Variants in ABCG1 observed in about 807,000 individuals in gnomAD.
The protein encoded by ABCG1 is ATP-binding cassette sub-family G member 1.
ABCG1 carries 29 observed loss-of-function variants against 69.2 expected under a neutral mutation model. That is an observed-to-expected ratio of 0.42 (90% CI 0.31 to 0.57). The LOEUF (loss-of-function observed/expected upper bound fraction) is 0.57. Ranked by LOEUF, ABCG1 falls within the 20% of genes least tolerant of loss-of-function variation. The pLI is 0.15. For missense variants in ABCG1, 718 were observed against 898.1 expected, an observed-to-expected ratio of 0.80 and a Z score of 2.56; for synonymous variants, 370 against 374.8, an observed-to-expected ratio of 0.99 and a Z score of 0.15.
At chr21:42,281,232 G>A (rs948437739) in intron 5 of ABCG1, among the ~76,000 whole-genome samples, 2 of 152,214 alleles carry the variant, frequency 1.3e-5, no homozygotes, top group African/African-American at 2.4e-5. Context: ...CTGGAGTAGG[G>A]TCCGCTTGCT....
At chr21:42,284,815 C>A in intron 7 of ABCG1, 132 bp downstream of exon 7, 1 of 1,252,868 alleles carries the variant, frequency 8.0e-7, no homozygotes, top group Non-Finnish European at 1.1e-6. Flanking sequence ...CCCTGGGTAC[C>A]CACAGCCTTC....
At position 42,273,943 on chromosome 21, in the gene ABCG1, A is replaced by G. The variant is rs535318723; in HGVS notation, c.537+508A>G. On this transcript the variant is annotated intron_variant, in intron 4 of 14. Coordinates refer to ENST00000398449, the MANE Select transcript of ABCG1 (RefSeq NM_016818.3). The surrounding 1 kb of genome is among the most constrained non-coding windows in gnomAD (Gnocchi z 5.3). ...AGCATCTCCTGGGTCCCAGGCCCTG[A>G]GCACATAGCTCTACACACACCAGAT... Among the ~76,000 whole-genome samples, 1 of 152,260 alleles carries G rather than the reference A, an allele frequency of 6.6e-6. No homozygotes were observed. Among genetic ancestry groups the G allele is most frequent in the East Asian group, 1.9e-4 (1 of 5,176 alleles).
Position 42,279,326 on chromosome 21 carries a change from G to A in ABCG1, c.588+2381G>A, listed in dbSNP as rs189554620. Among the ~76,000 whole-genome samples, 68 of 152,344 alleles carry A rather than the reference G, an allele frequency of 4.5e-4. 1 individual carries two copies. In the East Asian group the frequency reaches 0.012, roughly 26 times the overall value. On this transcript the variant is annotated intron_variant, in intron 5 of 14. Coordinates refer to ENST00000398449, the MANE Select transcript of ABCG1 (RefSeq NM_016818.3). Reference sequence around the variant, plus strand: ...AATAAGGCCCAAGGACAGAGCAAACGGTGGAGAGGGTCTCGGGGATCACCG... The same window carrying A: ...AATAAGGCCCAAGGACAGAGCAAACAGTGGAGAGGGTCTCGGGGATCACCG...
At chr21:42,221,153 A>C (rs1274836223) in intron 1 of ABCG1, 1 of 152,196 alleles carries the variant, frequency 6.6e-6, no homozygotes, top group Non-Finnish European at 1.5e-5. Context: ...ACTTTAAAAA[A>C]AGTTTAAACA....
At chr21:42,208,185 C>T (rs2067558386) in intron 2 of ABCG1, among the ~76,000 whole-genome samples, 1 of 149,816 alleles carries the variant, frequency 6.7e-6, no homozygotes, top group Non-Finnish European at 1.5e-5. Flanking sequence ...TCCCCTTTTC[C>T]TATTCTTTTG....
intron 2 of ABCG1, among the ~76,000 whole-genome samples, chr21:42,248,782 C>T (rs992016791): frequency 6.6e-6 from 1 of 151,330 alleles, no homozygotes; most frequent in African/African-American, 2.4e-5. Context: ...TGGTGCACAC[C>T]TGTAGTCCCA....
intron 6 of ABCG1, among the ~76,000 whole-genome samples, chr21:42,283,139 G>C (rs573134268): frequency 6.6e-6 from 1 of 152,298 alleles, no homozygotes; most frequent in South Asian, 2.1e-4. Flanking sequence ...ACTTTACGTT[G>C]TCTCATTTCT....
intron 2 of ABCG1, chr21:42,259,849 G>T: frequency 7.2e-7 from 1 of 1,397,416 alleles, no homozygotes; most frequent in Non-Finnish European, 9.4e-7. Context: ...AAGGAAAAGA[G>T]CAGGGGAGAG....
intron 2 of ABCG1, among the ~76,000 whole-genome samples, chr21:42,244,479 T>C (rs2068103032): frequency 6.6e-6 from 1 of 152,102 alleles, no homozygotes; most frequent in South Asian, 2.1e-4. Context: ...TTGATAAAGC[T>C]AAAAGACTTC....
chr21:42,291,366 G>T lies in ABCG1; in HGVS notation c.1495-132G>T. The T allele has an allele frequency of 1.5e-6, 2 of 1,295,860 alleles. No individual in the cohort carries two copies. Among genetic ancestry groups the T allele is most frequent in the Non-Finnish European group, 2.1e-6 (2 of 931,946 alleles). 80.3% of individuals were successfully genotyped at this position (1,295,860 alleles called of 1,614,324 possible). On this transcript the variant is annotated intron_variant, in intron 12 of 14. Transcript: ENST00000398449. This position sits in a 1 kb window ranked among gnomAD's most constrained non-coding sequence, Gnocchi z 6.4. ...CGGGAGCTGTGGCGGGAGCTGTGGG[G>T]AGTGGGGAAGGACCCGACTTTGGGA...
chr21:42,256,578 A>G (rs894829805), intron 2 of ABCG1: 1 of 1,528,718 alleles, frequency 6.5e-7, no homozygotes, highest in South Asian at 1.2e-5. Context: ...ACACTGACCC[A>G]TGAAGAGAAA....
intron 1 of ABCG1, among the ~76,000 whole-genome samples, chr21:42,220,637 G>A (rs1374680830): frequency 6.6e-6 from 1 of 152,264 alleles, no homozygotes; most frequent in East Asian, 1.9e-4. Context: ...GCCTCTCTGG[G>A]CTGCCCTGCC....
intron 1 of ABCG1, among the ~76,000 whole-genome samples, chr21:42,224,347 G>T (rs891086483): frequency 6.6e-6 from 1 of 152,192 alleles, no homozygotes; most frequent in Admixed American, 6.5e-5. Flanking sequence ...AGGGGCATTG[G>T]GACCAGCTGG....
chr21:42,201,411 G>A (rs566079366), intron 1 of ABCG1, among the ~76,000 whole-genome samples: 270 of 152,248 alleles, frequency 1.8e-3, no homozygotes, highest in Non-Finnish European at 3.3e-3. Flanking sequence ...AAGCCATAAA[G>A]CTCCCTCGCT....
At chr21:42,268,849 G>A (rs1302119442) in intron 2 of ABCG1, among the ~76,000 whole-genome samples, 1 of 152,172 alleles carries the variant, frequency 6.6e-6, no homozygotes, top group Non-Finnish European at 1.5e-5. Flanking sequence ...GCCATGTCCT[G>A]TTCCTGGGGT....
rs1261701348 is a variant in ABCG1 at position 42,219,223 on chromosome 21, C to CCGCCGCCGCCGCCGG, written c.-26_-25insGCGCCGCCGCCGCCG. ...CGGCCCCGCAGCTCAAGCCTCGTCC[C>CCGCCGCCGCCGCCGG]CGCCGCCGCCGCCGCCGCCGCCGCC... On this transcript the variant is annotated 5_prime_UTR_variant, in exon 1 of 15. Coordinates refer to ENST00000398449, the MANE Select transcript of ABCG1 (RefSeq NM_016818.3). The surrounding 1 kb of genome is among the most constrained non-coding windows in gnomAD (Gnocchi z 5.3). 2 of 773,464 alleles carry CCGCCGCCGCCGCCGG rather than the reference C, an allele frequency of 2.6e-6. No individual in the cohort carries two copies. Among genetic ancestry groups the CCGCCGCCGCCGCCGG allele is most frequent in the African/African-American group, 5.6e-5 (2 of 35,584 alleles). 47.9% of individuals were successfully genotyped at this position (773,464 alleles called of 1,614,324 possible).
chr21:42,217,089 A>C (rs905105451), upstream of ABCG1, among the ~76,000 whole-genome samples: 34 of 152,122 alleles, frequency 2.2e-4, no homozygotes, highest in African/African-American at 8.0e-4. Context: ...GCAGCCCAGT[A>C]AGCACTGCCT....
chr21:42,261,993 G>A (rs759628184), intron 2 of ABCG1, among the ~76,000 whole-genome samples: 37 of 152,116 alleles, frequency 2.4e-4, no homozygotes, highest in Admixed American at 1.1e-3. Context: ...AGGGTCTCTC[G>A]AGAAGCAGCC....
In ABCG1 at chr21:42,290,192, C is replaced by A. The variant is rs772406417; in HGVS notation, c.1367C>A (p.Ala456Glu). 1.2e-6 allele frequency: 2 copies of A among 1,614,132 alleles called. No homozygotes were observed. The highest frequency in any genetic ancestry group is 1.7e-6 in the Non-Finnish European group (2 of 1,180,020). ...TTCTCCATGCTGTTCCTCATGTTCGCGGCCCTCATGCCTACTGTTCTGACA... is the reference window on the plus strand; with the variant it reads ...TTCTCCATGCTGTTCCTCATGTTCGAGGCCCTCATGCCTACTGTTCTGACA... ...LFFSMLFLMF[A>E]ALMPTVLTFP... Residue 456 changes from alanine to glutamate, a missense_variant, in exon 11 of 15, where the codon GCG becomes GAG. Coordinates refer to ENST00000398449, the MANE Select transcript of ABCG1 (RefSeq NM_016818.3).
Sources: allele counts gnomAD v4.1 joint callset (sites outside exome capture counted in the v4.1 genomes callset), GRCh38; gene constraint gnomAD v4.1.1; non-coding constraint Gnocchi (gnomAD v3.1); transcripts MANE v1.5; gene names NCBI Gene and HGNC (gene_info 2026-07-23, HGNC 2026-07-21).